The following XKR9 variants were observed in gnomAD, a reference collection of about 807,000 sequenced individuals.
XKR9 encodes the protein XK-related protein 9.
In XKR9, 32 loss-of-function variants were observed where a neutral mutation model predicts 32.0. The observed-to-expected ratio is 1.00, with a 90% CI of 0.76 to 1.34. The LOEUF is 1.34. XKR9 is among the 40% of genes most tolerant of loss of function. The probability of loss-of-function intolerance (pLI) is 0.00; values close to 1 mark genes in which losing one functional copy is unlikely to be tolerated. For synonymous variants in XKR9, 168 were observed against 143.4 expected (o/e 1.17, Z -1.22); for missense variants, 546 against 429.7 (o/e 1.27, Z -2.39).
chr8:70,701,586 G>T (rs1024570178), intron 3 of XKR9, among the ~76,000 whole-genome samples: 3 of 152,150 alleles, frequency 2.0e-5, no homozygotes, highest in African/African-American at 7.2e-5. Flanking sequence ...TAGACAGTGA[G>T]AAATGAGCAA....
chr8:70,721,896 G>C (rs1330169359), intron 4 of XKR9, among the ~76,000 whole-genome samples: 1 of 152,018 alleles, frequency 6.6e-6, no homozygotes, highest in African/African-American at 2.4e-5. Flanking sequence ...TTGACAGTGG[G>C]GTATAAAGTC....
intron 2 of XKR9, among the ~76,000 whole-genome samples, chr8:70,780,074 T>A (rs1284117115): frequency 6.6e-6 from 1 of 151,994 alleles, no homozygotes; most frequent in Non-Finnish European, 1.5e-5. Context: ...TTTTTCCTAT[T>A]TCTCTTGTGG....
chr8:70,951,870 G>A, the XKR9 span, among the ~76,000 whole-genome samples: 80 of 103,890 alleles, frequency 7.7e-4, no homozygotes, highest in African/African-American at 1.1e-3. Flanking sequence ...GCATCATTGG[G>A]GGGGGGGTGG....
At chr8:70,941,131 A>G in the XKR9 span, among the ~76,000 whole-genome samples, 6 of 151,980 alleles carry the variant, frequency 3.9e-5, no homozygotes, top group Middle Eastern at 3.4e-3. Context: ...TCTCCCTCCT[A>G]CTAGTCCTTG....
At chr8:70,950,356 T>C in the XKR9 span, among the ~76,000 whole-genome samples, 6 of 152,256 alleles carry the variant, frequency 3.9e-5, no homozygotes, top group Admixed American at 3.9e-4. Flanking sequence ...GGCAGGGCTT[T>C]CTGAGGAAGT....
the XKR9 span, among the ~76,000 whole-genome samples, chr8:70,879,701 A>G: frequency 6.6e-6 from 1 of 152,168 alleles, no homozygotes; most frequent in Non-Finnish European, 1.5e-5. Flanking sequence ...GCAGGACCAG[A>G]TGGATTAACA....
the XKR9 span, among the ~76,000 whole-genome samples, chr8:70,810,491 C>T: frequency 6.6e-6 from 1 of 152,142 alleles, no homozygotes; most frequent in African/African-American, 2.4e-5. Flanking sequence ...AAGACACAGA[C>T]TGGCAAATTG....
chr8:70,922,479 TAGAC>T, the XKR9 span, among the ~76,000 whole-genome samples: 77 of 152,330 alleles, frequency 5.1e-4, 2 homozygotes, highest in Middle Eastern at 0.014. Flanking sequence ...CATTTTTCCT[TAGAC>T]AGAAAAGAGA....
exon 4 of XKR9, chr8:70,790,333 A>G (rs1379389263): frequency 1.3e-5 from 2 of 152,102 alleles, no homozygotes. Flanking sequence ...AAAGTATTGA[A>G]TATATAAAAG....
the XKR9 span, among the ~76,000 whole-genome samples, chr8:70,819,224 A>G: frequency 6.6e-6 from 1 of 152,172 alleles, no homozygotes; most frequent in Admixed American, 6.5e-5. Flanking sequence ...TTTGTGTCTA[A>G]CTTATTGATA....
chr8:70,975,914 T>G, the XKR9 span, among the ~76,000 whole-genome samples: 1 of 152,208 alleles, frequency 6.6e-6, no homozygotes, highest in Non-Finnish European at 1.5e-5. Flanking sequence ...CTCTTTTATT[T>G]CGTTGAGCAG....
At chr8:70,838,726 A>G in the XKR9 span, among the ~76,000 whole-genome samples, 1 of 152,120 alleles carries the variant, frequency 6.6e-6, no homozygotes, top group Admixed American at 6.6e-5. Flanking sequence ...AGTCAAGGTC[A>G]CAGAGTTAGC....
At chr8:70,839,746 T>A in the XKR9 span, among the ~76,000 whole-genome samples, 1 of 152,140 alleles carries the variant, frequency 6.6e-6, no homozygotes, top group East Asian at 1.9e-4. Context: ...TGCCAAATAA[T>A]AGCATATACT....
chr8:70,694,003 C>T (rs575801326), intron 3 of XKR9, among the ~76,000 whole-genome samples: 35 of 152,266 alleles, frequency 2.3e-4, no homozygotes, highest in Non-Finnish European at 4.7e-4. Context: ...GCTGGAGGAC[C>T]TGCCCAGTGA....
intron 4 of XKR9, among the ~76,000 whole-genome samples, chr8:70,722,125 AT>A (rs879366189): frequency 1.1e-3 from 160 of 142,184 alleles, no homozygotes; most frequent in Non-Finnish European, 1.2e-3. Context: ...GCAACCCCTG[AT>A]TTTTTTTTTT....
At chr8:70,884,195 T>G in the XKR9 span, among the ~76,000 whole-genome samples, 20 of 152,182 alleles carry the variant, frequency 1.3e-4, no homozygotes, top group Non-Finnish European at 4.4e-5. Context: ...GGTGATGTGT[T>G]TTTTCAGATC....
the XKR9 span, among the ~76,000 whole-genome samples, chr8:70,868,225 C>A: frequency 6.6e-6 from 1 of 152,154 alleles, no homozygotes; most frequent in South Asian, 2.1e-4. Context: ...GACAGTGGCC[C>A]TCTTCTCACA....
chr8:70,779,780 T>C (rs1461819629), intron 2 of XKR9, among the ~76,000 whole-genome samples: 1 of 152,204 alleles, frequency 6.6e-6, no homozygotes, highest in Non-Finnish European at 1.5e-5. Flanking sequence ...AGTTTGTATT[T>C]CTGTGGGATT....
the XKR9 span, among the ~76,000 whole-genome samples, chr8:70,978,956 A>G: frequency 4.6e-5 from 7 of 151,854 alleles, no homozygotes; most frequent in African/African-American, 1.7e-4. Context: ...TTTTCTCTGA[A>G]TTTCTCTTCT....
Sources: gnomAD v4.1 joint callset for allele counts (sites outside exome capture counted in the v4.1 genomes callset) on GRCh38, gnomAD v4.1.1 for gene constraint, MANE v1.5 for transcripts, NCBI Gene and HGNC (gene_info 2026-07-23, HGNC 2026-07-21) for gene names.